PTPA: variants seen among roughly 807,000 people sequenced by gnomAD.
The protein encoded by PTPA is protein phosphatase 2 phosphatase activator.
Under a neutral mutation model 43.6 loss-of-function variants are expected in PTPA, and 13 were observed. The ratio of observed to expected loss-of-function variants is 0.30; its 90% CI spans 0.19 to 0.47. The LOEUF (loss-of-function observed/expected upper bound fraction) is 0.47. PTPA is among the 20% of genes least tolerant of loss of function. The pLI, the probability that PTPA is intolerant of heterozygous loss-of-function variation, is 0.99. For synonymous variants in PTPA, 172 were observed against 158.2 expected (o/e 1.09, Z -0.66); for missense variants, 329 against 411.9 (o/e 0.80, Z 1.74).
In PTPA at chr9:129,111,832, C is replaced by G. The variant is rs539745311; in HGVS notation, c.31+201C>G. The stretch of plus-strand genomic sequence containing the variant: ...CCGCTGGGGAGGGAACCAGGGGCTG[C>G]AAAGGGGTGGTGATTGGGGCGCAAC... On this transcript the variant is annotated intron_variant, in intron 1 of 9. Coordinates refer to ENST00000393370, the MANE Select transcript of PTPA (RefSeq NM_178000.3). 4 of 1,211,776 alleles carry G rather than the reference C, an allele frequency of 3.3e-6. No homozygotes were observed. In the African/African-American group the frequency reaches 6.3e-5, roughly 19 times the overall value. 75.1% of individuals were successfully genotyped at this position (1,211,776 alleles called of 1,614,324 possible).
intron 4 of PTPA, among the ~76,000 whole-genome samples, chr9:129,130,952 C>T (rs1849922906): frequency 6.6e-6 from 1 of 152,210 alleles, no homozygotes; most frequent in African/African-American, 2.4e-5. Flanking sequence ...TGCTCAATGT[C>T]ATGTCTGAGA....
chr9:129,116,955 C>T (rs1018475252), intron 1 of PTPA, among the ~76,000 whole-genome samples: 12 of 152,202 alleles, frequency 7.9e-5, no homozygotes, highest in Admixed American at 6.5e-4. Context: ...GTGTTAGCCA[C>T]TGTGCCTGGT....
chr9:129,144,631 C>T (rs1207779822), intron 9 of PTPA, among the ~76,000 whole-genome samples: 16 of 149,660 alleles, frequency 1.1e-4, no homozygotes, highest in Non-Finnish European at 1.9e-4. Context: ...CCCAGCTACT[C>T]GGGAGGCAGA....
At chr9:129,124,703 G>T (rs17508785) in intron 3 of PTPA, among the ~76,000 whole-genome samples, 3,645 of 152,294 alleles carry the variant, frequency 0.024, 138 homozygotes, top group African/African-American at 0.081. Flanking sequence ...TTGGGTTCAT[G>T]TCCCACCTTG....
chr9:129,115,081 C>T (rs1049315703), intron 1 of PTPA, among the ~76,000 whole-genome samples: 1 of 152,126 alleles, frequency 6.6e-6, no homozygotes, highest in Non-Finnish European at 1.5e-5. Context: ...CTCAGTGCAA[C>T]CTCCGAGGAG....
upstream of PTPA, chr9:129,111,299 T>G (rs559137405): frequency 1.8e-6 from 2 of 1,131,738 alleles, no homozygotes; most frequent in African/African-American, 3.3e-5. Flanking sequence ...GTCCTAGCGC[T>G]TGGCGGCCGT....
intron 3 of PTPA, among the ~76,000 whole-genome samples, chr9:129,125,127 G>T (rs1335645216): frequency 6.6e-6 from 1 of 152,174 alleles, no homozygotes; most frequent in Admixed American, 6.5e-5. Context: ...GCTCAGCTGT[G>T]CTCAGTGGGC....
chr9:129,142,536 G>A lies in PTPA; in HGVS notation c.878G>A (p.Arg293His), dbSNP rs2131623130. 7.4e-6 allele frequency: 12 copies of A among 1,614,104 alleles called. No homozygotes were observed. Among genetic ancestry groups the A allele is most frequent in the African/African-American group, 1.3e-5 (1 of 75,016 alleles). Residue 293 changes from arginine (R) to histidine (H), a missense_variant, in exon 9 of 10, where the codon CGC (arginine) becomes CAC (histidine). Physicochemically the swap from Arg to His is conservative, Grantham distance 29. Transcript: ENST00000393370. ...TCCAAAGTGAACCAGGGTCTCATCC[G>A]CATGTATAAGGCCGAGGTGAGTGGG... ...SWSKVNQGLI[R>H]MYKAECLEKF...
intron 3 of PTPA, 24 bp from the exon 4 acceptor site, chr9:129,128,961 G>A (rs1410347217): frequency 6.2e-7 from 1 of 1,612,576 alleles, no homozygotes; most frequent in African/African-American, 1.3e-5. Flanking sequence ...CTGTAGCTTG[G>A]ACCCCTCTAT....
intron 1 of PTPA, chr9:129,119,579 T>G (rs1849116534): frequency 6.6e-6 from 1 of 152,042 alleles, no homozygotes; most frequent in Non-Finnish European, 1.5e-5. Flanking sequence ...CTAATTTTTT[T>G]GTACTTTTTT....
chr9:129,122,710 C>T (rs1446900401), intron 2 of PTPA, among the ~76,000 whole-genome samples: 1 of 152,170 alleles, frequency 6.6e-6, no homozygotes, highest in East Asian at 1.9e-4. Flanking sequence ...GGGCGGATCA[C>T]TTCTCTTGAA....
intron 9 of PTPA, chr9:129,143,551 G>T: frequency 1.5e-6 from 1 of 666,858 alleles, no homozygotes; most frequent in South Asian, 1.6e-5. Context: ...AGGCCAGCGG[G>T]GTGGGGGAGC....
rs557411967 is a variant in PTPA at position 129,147,621 on chromosome 9, AGCAT to A, written c.*158_*161del. 6.0e-4 allele frequency: 464 copies of A among 776,068 alleles called. 1 individual carries two copies. The African/African-American group carries it at 7.7e-3, about 13-fold the overall frequency. The allele number at this position is 776,068 out of a possible 1,614,324, so 48.1% of individuals were successfully genotyped here. On this transcript the variant is annotated 3_prime_UTR_variant, in exon 10 of 10. Coordinates refer to ENST00000393370, the MANE Select transcript of PTPA (RefSeq NM_178000.3). ...GCGAGATGGGCTTGAGGGGGCTCAGAGCATAAGGCTTCAGGGCCCAAGTTGGGAG... is the reference window on the plus strand; with the variant it reads ...GCGAGATGGGCTTGAGGGGGCTCAGAAAGGCTTCAGGGCCCAAGTTGGGAG...
intron 7 of PTPA, among the ~76,000 whole-genome samples, chr9:129,137,172 A>T (rs911084897): frequency 6.6e-6 from 1 of 152,220 alleles, no homozygotes; most frequent in Non-Finnish European, 1.5e-5. Flanking sequence ...ATATTCATAA[A>T]TGACCATTAG....
intron 3 of PTPA, chr9:129,127,874 C>T: frequency 1.1e-6 from 1 of 871,666 alleles, no homozygotes. Context: ...AAACATTTAA[C>T]AGTGAGGAAT....
rs528116881 is a variant in PTPA, at chr9:129,136,626, C to T, written c.685+31C>T. 11 of 1,579,500 alleles carry T rather than the reference C, an allele frequency of 7.0e-6. No individual in the cohort carries two copies. In the East Asian group the frequency reaches 1.6e-4, roughly 23 times the overall value. ...AGAGCGGGAGGTGCCTATCCCTCCACCCCCAACCAAGGCTGCGTTCTGTGG... is the reference window on the plus strand; with the variant it reads ...AGAGCGGGAGGTGCCTATCCCTCCATCCCCAACCAAGGCTGCGTTCTGTGG... On this transcript the variant is annotated intron_variant, in intron 7 of 9. Coordinates refer to ENST00000393370, the MANE Select transcript of PTPA (RefSeq NM_178000.3).
intron 9 of PTPA, 175 bp downstream of exon 9, chr9:129,142,727 A>C (rs1314594580): frequency 1.4e-5 from 21 of 1,538,318 alleles, no homozygotes; most frequent in Non-Finnish European, 1.8e-5. Flanking sequence ...CATCTGGGGC[A>C]TGGGCAGTCA....
chr9:129,130,161 G>A (rs1206052525), intron 4 of PTPA, among the ~76,000 whole-genome samples: 1 of 152,170 alleles, frequency 6.6e-6, no homozygotes, highest in Non-Finnish European at 1.5e-5. Flanking sequence ...TAAAAATGCA[G>A]GATCTCAGAC....
intron 8 of PTPA, 148 bp downstream of exon 8, chr9:129,137,840 A>G: frequency 1.3e-6 from 1 of 742,544 alleles, no homozygotes; most frequent in Non-Finnish European, 2.4e-6. Context: ...AGGAAGCACC[A>G]CTGGGCCTCT....
Sources: allele counts gnomAD v4.1 joint callset (sites outside exome capture counted in the v4.1 genomes callset), GRCh38; gene constraint gnomAD v4.1.1; transcripts MANE v1.5; gene names NCBI Gene and HGNC (gene_info 2026-07-23, HGNC 2026-07-21).